Variants in GUCY1B1 observed in about 807,000 individuals in gnomAD.
The protein encoded by GUCY1B1 is guanylate cyclase soluble subunit beta-1.
In GUCY1B1, 43 loss-of-function variants were observed where a neutral mutation model predicts 71.0. The ratio of observed to expected loss-of-function variants is 0.61; its 90% CI spans 0.47 to 0.78. The LOEUF (loss-of-function observed/expected upper bound fraction) is 0.78. Among genes scored for constraint, GUCY1B1 ranks in the 30% least tolerant of loss-of-function variants. The pLI is 0.00. For missense variants in GUCY1B1, 535 were observed against 754.1 expected (o/e 0.71, Z 3.40); for synonymous variants, 266 against 259.7 (o/e 1.02, Z -0.23).
intron 4 of GUCY1B1, among the ~76,000 whole-genome samples, chr4:155,780,273 C>T (rs993185712): frequency 6.6e-6 from 1 of 152,162 alleles, no homozygotes; most frequent in African/African-American, 2.4e-5. Flanking sequence ...TTATCTTGTT[C>T]CCGCTATCCT....
intron 3 of GUCY1B1, among the ~76,000 whole-genome samples, chr4:155,775,662 TAAC>T (rs1737993650): frequency 6.6e-6 from 1 of 152,312 alleles, no homozygotes; most frequent in East Asian, 1.9e-4. Context: ...ATACTTAATG[TAAC>T]AACATCAGTT....
Position 155,786,049 on chromosome 4 carries a change from C to T in GUCY1B1, c.298-3665C>T, listed in dbSNP as rs1579225783. On this transcript the variant is annotated intron_variant, in intron 4 of 13. Transcript: ENST00000264424. ...TTGGATGATTGTGTCCACTCTCTGA[C>T]TTGCCCCAGCATAAGTGGTGCCAGT... 2.0e-5 allele frequency among the ~76,000 whole-genome samples: 3 copies of T among 151,986 alleles called. No homozygotes were observed. The South Asian group carries it at 6.2e-4, about 32-fold the overall frequency.
chr4:155,798,642 C>G lies in GUCY1B1; in HGVS notation c.978-1235C>G, dbSNP rs1048437192. Among the ~76,000 whole-genome samples, 115 of 152,096 alleles carry G rather than the reference C, an allele frequency of 7.6e-4. 1 individual carries two copies. Among genetic ancestry groups the G allele is most frequent in the Non-Finnish European group, 1.5e-4 (10 of 68,008 alleles). The stretch of plus-strand genomic sequence containing the variant: ...ATTAATCCAAAATTCTGCAAAGTCA[C>G]CCCTTTTAAAGAATTTTGGATAGGA... On this transcript the variant is annotated intron_variant, in intron 8 of 13. Coordinates refer to ENST00000264424, the MANE Select transcript of GUCY1B1 (RefSeq NM_000857.5).
chr4:155,804,549 T>C lies in GUCY1B1; in HGVS notation c.1555-44T>C, dbSNP rs772367296. 4.7e-6 allele frequency: 7 copies of C among 1,504,510 alleles called. No homozygotes were observed. In the Admixed American group the frequency reaches 1.2e-4, roughly 25 times the overall value. 93.2% of individuals were successfully genotyped at this position (1,504,510 alleles called of 1,614,324 possible). On this transcript the variant is annotated intron_variant, in intron 11 of 13. Coordinates refer to ENST00000264424, the MANE Select transcript of GUCY1B1 (RefSeq NM_000857.5). ...TAAAATAAAAAAAAAAAAATTCATG[T>C]GTTAGTGATCAAAATGATTGAAGCA...
chr4:155,766,594 G>A (rs1443658857), intron 2 of GUCY1B1, among the ~76,000 whole-genome samples: 1 of 151,056 alleles, frequency 6.6e-6, no homozygotes, highest in Non-Finnish European at 1.5e-5. Context: ...GAGCAATATA[G>A]CAATACATAA....
chr4:155,794,167 T>TTA (rs1244521850), intron 6 of GUCY1B1, 81 bp downstream of exon 6: 67 of 745,114 alleles, frequency 9.0e-5, no homozygotes, highest in Non-Finnish European at 3.0e-5. Context: ...ATCCATTCAT[T>TTA]TAACCCTCTG....
chr4:155,803,368 T>C (rs1381416881), intron 10 of GUCY1B1, among the ~76,000 whole-genome samples: 3 of 152,192 alleles, frequency 2.0e-5, no homozygotes, highest in Admixed American at 6.5e-5. Context: ...ATTAATTGCT[T>C]ACTAAAGGAA....
chr4:155,770,739 G>A (rs1279060832), intron 2 of GUCY1B1, among the ~76,000 whole-genome samples: 4 of 152,154 alleles, frequency 2.6e-5, no homozygotes, highest in Admixed American at 2.6e-4. Flanking sequence ...AGGTGGTAAG[G>A]ATGGAGGTTT....
At chr4:155,761,021 G>A (rs1451799582) in intron 2 of GUCY1B1, among the ~76,000 whole-genome samples, 4 of 152,134 alleles carry the variant, frequency 2.6e-5, no homozygotes, top group Non-Finnish European at 4.4e-5. Flanking sequence ...TATTAAGCAC[G>A]AAAATGTAAC....
intron 8 of GUCY1B1, among the ~76,000 whole-genome samples, chr4:155,797,132 A>G (rs1739610194): frequency 6.6e-6 from 1 of 152,236 alleles, no homozygotes; most frequent in African/African-American, 2.4e-5. Context: ...GGAATTCAGA[A>G]ATATAAAAAT....
At chr4:155,788,041 G>A (rs999095662) in intron 4 of GUCY1B1, among the ~76,000 whole-genome samples, 2 of 152,118 alleles carry the variant, frequency 1.3e-5, no homozygotes, top group Non-Finnish European at 2.9e-5. Context: ...CTTGCTTGGT[G>A]TATTTGTTTT....
intron 2 of GUCY1B1, among the ~76,000 whole-genome samples, chr4:155,770,813 A>T (rs1156969458): frequency 6.6e-6 from 1 of 151,952 alleles, no homozygotes; most frequent in Non-Finnish European, 1.5e-5. Context: ...ACCTATGTAT[A>T]TTATCCTCAT....
intron 11 of GUCY1B1, among the ~76,000 whole-genome samples, chr4:155,804,022 A>G (rs1740138319): frequency 6.6e-6 from 1 of 152,082 alleles, no homozygotes; most frequent in Non-Finnish European, 1.5e-5. Flanking sequence ...CTTCTAGTTT[A>G]TTTTTTAAAA....
chr4:155,804,175 A>G (rs1740149853), intron 11 of GUCY1B1, among the ~76,000 whole-genome samples: 1 of 152,206 alleles, frequency 6.6e-6, no homozygotes, highest in African/African-American at 2.4e-5. Flanking sequence ...TATGCTTGAA[A>G]TTCTTATAGA....
In GUCY1B1 at chr4:155,759,608, G is replaced by A. The variant is rs75998227; in HGVS notation, c.4-179G>A. ...TGACGGGGAGAATCCACCAGGGATTGGGGGGTTGCGCCCCCACGATCCGAC... is the reference window on the plus strand; with the variant it reads ...TGACGGGGAGAATCCACCAGGGATTAGGGGGTTGCGCCCCCACGATCCGAC... On this transcript the variant is annotated intron_variant, in intron 1 of 13. Transcript: ENST00000264424. 1,942 of 549,110 alleles carry A rather than the reference G, an allele frequency of 3.5e-3. 23 individuals are homozygous for A. The highest frequency in any genetic ancestry group is 0.032 in the African/African-American group (1,615 of 50,314). 34.0% of individuals were successfully genotyped at this position (549,110 alleles called of 1,614,324 possible). A position where few individuals can be genotyped will look rare whatever the true frequency, so the allele number is the denominator to read the frequency against.
At position 155,759,245 on chromosome 4, in the gene GUCY1B1, G is replaced by A. The variant is rs1454961287; in HGVS notation, c.3+102G>A. On this transcript the variant is annotated intron_variant, in intron 1 of 13. Coordinates refer to ENST00000264424, the MANE Select transcript of GUCY1B1 (RefSeq NM_000857.5). ...AGCCGGAGCTTGGCTCGGGGGCCCT[G>A]GGCGCTCACTGCCGGCCACGGGAGC... The A allele has an allele frequency of 3.3e-6, 4 of 1,205,074 alleles. No individual in the cohort carries two copies. In the African/African-American group the frequency reaches 4.6e-5, roughly 14 times the overall value. 74.6% of individuals were successfully genotyped at this position (1,205,074 alleles called of 1,614,324 possible).
intron 5 of GUCY1B1, among the ~76,000 whole-genome samples, chr4:155,790,159 A>T (rs1269958978): frequency 6.6e-6 from 1 of 152,166 alleles, no homozygotes; most frequent in Non-Finnish European, 1.5e-5. Flanking sequence ...CAAGAAATTT[A>T]CTTTGCATTC....
intron 3 of GUCY1B1, 114 bp from the exon 4 acceptor site, chr4:155,777,410 G>A (rs1579210364): frequency 1.5e-6 from 1 of 657,732 alleles, no homozygotes; most frequent in Non-Finnish European, 2.7e-6. Flanking sequence ...TGCTTGCCAT[G>A]CACAAAAATT....
intron 11 of GUCY1B1, 100 bp downstream of exon 11, chr4:155,803,864 G>T: frequency 2.8e-6 from 2 of 708,688 alleles, no homozygotes; most frequent in South Asian, 2.5e-5. Context: ...TATAAAGAAG[G>T]GCATCTTGAC....
Sources: gnomAD v4.1 joint callset for allele counts (sites outside exome capture counted in the v4.1 genomes callset) on GRCh38, gnomAD v4.1.1 for gene constraint, MANE v1.5 for transcripts, NCBI Gene and HGNC (gene_info 2026-07-23, HGNC 2026-07-21) for gene names.